The following UGT1A6 variants were observed in gnomAD, a reference collection of about 807,000 sequenced individuals.
UGT1A6 encodes the protein UDP glucuronosyltransferase family 1 member A6.
A neutral mutation model predicts 44.4 loss-of-function variants in UGT1A6; 32 were observed. The ratio of observed to expected loss-of-function variants is 0.72; its 90% CI spans 0.54 to 0.97. UGT1A6 has a LOEUF of 0.97. Ranked by LOEUF, UGT1A6 falls within the 50% of genes least tolerant of loss-of-function variation. The probability of loss-of-function intolerance (pLI) is 0.00; values close to 1 mark genes in which losing one functional copy is unlikely to be tolerated. For missense variants in UGT1A6, 685 were observed against 661.9 expected (o/e 1.03, Z -0.38); for synonymous variants, 238 against 248.5 (o/e 0.96, Z 0.40).
In UGT1A6 at chr2:233,768,366, G is replaced by T. The variant is rs36076514; in HGVS notation, c.1228G>T (p.Val410Leu). The T allele has an allele frequency of 5.0e-5, 80 of 1,614,062 alleles. No homozygotes were observed. The Admixed American group carries it at 1.3e-3, about 26-fold the overall frequency. The part of the protein sequence containing the change: ...AKRMETKGAG[V>L]TLNVLEMTSE... ...GCGCATGGAGACTAAGGGAGCTGGA[G>T]TGACCCTGAATGTTCTGGAAATGAC... The change falls in exon 4 of 5, where the codon GTG becomes TTG. Residue 410 changes from valine (V) to leucine (L), a missense_variant. Val to Leu is a conservative substitution (Grantham distance 32). Transcript: ENST00000305139.
At chr2:233,748,952 T>TC (rs753200268) in intron 1 of UGT1A6, among the ~76,000 whole-genome samples, 4 of 151,666 alleles carry the variant, frequency 2.6e-5, no homozygotes, top group South Asian at 2.1e-4. Flanking sequence ...CCTATCCCAC[T>TC]CCAAGTTTCT....
chr2:233,721,416 C>T, intron 1 of UGT1A6: 1 of 156,014 alleles, frequency 6.4e-6, no homozygotes, highest in Non-Finnish European at 1.4e-5. Flanking sequence ...GGACAGGTAC[C>T]CTAAGCATTG....
intron 1 of UGT1A6, chr2:233,740,801 T>C (rs1183144283): frequency 3.3e-5 from 5 of 152,052 alleles, no homozygotes; most frequent in African/African-American, 1.2e-4. Context: ...TAACAGGCTC[T>C]AGCACTGTTC....
At chr2:233,698,734 C>T (rs2075459166) in intron 1 of UGT1A6, among the ~76,000 whole-genome samples, 2 of 152,196 alleles carry the variant, frequency 1.3e-5, no homozygotes, top group African/African-American at 4.8e-5. Context: ...AGCTTGGTGA[C>T]CATTTTTTAC....
chr2:233,755,044 C>T (rs1695716601), intron 1 of UGT1A6: 3 of 1,324,814 alleles, frequency 2.3e-6, no homozygotes, highest in East Asian at 4.6e-5. Flanking sequence ...CCTGCGCAGC[C>T]GCCCTCCGCC....
At chr2:233,717,277 G>A (rs2076561985) in intron 1 of UGT1A6, among the ~76,000 whole-genome samples, 1 of 152,160 alleles carries the variant, frequency 6.6e-6, no homozygotes, top group African/African-American at 2.4e-5. Context: ...TTGAGAAGCT[G>A]AGATGTTGCA....
intron 1 of UGT1A6, chr2:233,740,675 C>T (rs946709661): frequency 1.3e-5 from 2 of 151,760 alleles, no homozygotes; most frequent in African/African-American, 2.4e-5. Flanking sequence ...CAGGTGTTTC[C>T]ATGGAGGGTG....
chr2:233,762,102 G>T (rs1697968941), intron 1 of UGT1A6, among the ~76,000 whole-genome samples: 1 of 151,864 alleles, frequency 6.6e-6, no homozygotes, highest in Non-Finnish European at 1.5e-5. Flanking sequence ...GTTGTTGATT[G>T]TCCGCTTCAC....
intron 1 of UGT1A6, among the ~76,000 whole-genome samples, chr2:233,726,404 T>C (rs1458945930): frequency 6.6e-6 from 1 of 152,210 alleles, no homozygotes; most frequent in Non-Finnish European, 1.5e-5. Flanking sequence ...TCTTTTGATG[T>C]CAGCATTCTG....
chr2:233,729,873 C>A, intron 1 of UGT1A6: 1 of 1,613,864 alleles, frequency 6.2e-7, no homozygotes, highest in Non-Finnish European at 8.5e-7. Context: ...TGGATATTCT[C>A]AGTCATGCAT....
intron 1 of UGT1A6, among the ~76,000 whole-genome samples, chr2:233,712,602 A>G (rs998294474): frequency 6.6e-6 from 1 of 152,190 alleles, no homozygotes; most frequent in African/African-American, 2.4e-5. Context: ...ATGGTTGGGG[A>G]CTAGGGCAAT....
chr2:233,725,058 G>A (rs1228937957), intron 1 of UGT1A6, among the ~76,000 whole-genome samples: 11 of 147,492 alleles, frequency 7.5e-5, no homozygotes, highest in East Asian at 4.2e-4. Flanking sequence ...GTGGCGGCGC[G>A]CGCCTGCAAT....
chr2:233,695,874 AG>A (rs2075311713), intron 1 of UGT1A6, among the ~76,000 whole-genome samples: 1 of 152,216 alleles, frequency 6.6e-6, no homozygotes, highest in Admixed American at 6.5e-5. Flanking sequence ...CAAACAACGC[AG>A]AAAACTTCAG....
intron 1 of UGT1A6, among the ~76,000 whole-genome samples, chr2:233,698,405 T>C (rs896142522): frequency 6.6e-6 from 1 of 152,204 alleles, no homozygotes; most frequent in African/African-American, 2.4e-5. Flanking sequence ...TTTATGTGAC[T>C]TCATCGCAAT....
chr2:233,718,603 T>G (rs2076667191), intron 1 of UGT1A6, among the ~76,000 whole-genome samples: 1 of 152,156 alleles, frequency 6.6e-6, no homozygotes, highest in Non-Finnish European at 1.5e-5. Flanking sequence ...TCAGATGAGC[T>G]TTTCAAGATA....
chr2:233,747,307 C>T (rs1472274155), intron 1 of UGT1A6: 68 of 1,602,316 alleles, frequency 4.2e-5, no homozygotes, highest in Admixed American at 3.8e-4. Flanking sequence ...TGGGAAGGTG[C>T]TGGTGGTACC....
At position 233,769,852 on chromosome 2, in the gene UGT1A6, T is replaced by C; in HGVS notation, c.1301+1413T>C. On this transcript the variant is annotated intron_variant, in intron 4 of 4. Coordinates refer to ENST00000305139, the MANE Select transcript of UGT1A6 (RefSeq NM_001072.4). The surrounding 1 kb of genome is among the most constrained non-coding windows in gnomAD (Gnocchi z 4.4). ...CAACCTGGGCAACAGAGTGAGACCC[T>C]GTCTCAAAAAAAAAAAAAAAAATGA... The C allele has an allele frequency of 2.2e-6, 1 of 461,208 alleles. No individual in the cohort carries two copies. Among genetic ancestry groups the C allele is most frequent in the South Asian group, 5.8e-5 (1 of 17,366 alleles). The allele number at this position is 461,208 out of a possible 1,614,324, so 28.6% of individuals were successfully genotyped here.
At chr2:233,735,705 G>A (rs1237070783) in intron 1 of UGT1A6, among the ~76,000 whole-genome samples, 2 of 151,900 alleles carry the variant, frequency 1.3e-5, no homozygotes, top group African/African-American at 2.4e-5. Flanking sequence ...GGCAGGCCTG[G>A]TGGTGACAAA....
rs35129844 is a variant in UGT1A6 at position 233,767,814 on chromosome 2, C to A, written c.994-35C>A. Reference sequence around the variant, plus strand: ...ATTTGTTTTCTAATCATATTATGTTCTTTCTTTACGTTCTGCTCTTTTTGC... The same window carrying A: ...ATTTGTTTTCTAATCATATTATGTTATTTCTTTACGTTCTGCTCTTTTTGC... On this transcript the variant is annotated intron_variant, in intron 2 of 4. Coordinates refer to ENST00000305139, the MANE Select transcript of UGT1A6 (RefSeq NM_001072.4). The A allele has an allele frequency of 5.0e-6, 8 of 1,613,992 alleles. No homozygotes were observed. In the African/African-American group the frequency reaches 6.7e-5, roughly 13 times the overall value.
Sources: gnomAD v4.1 joint callset for allele counts (sites outside exome capture counted in the v4.1 genomes callset) on GRCh38, gnomAD v4.1.1 for gene constraint, Gnocchi (gnomAD v3.1) non-coding constraint, MANE v1.5 for transcripts, NCBI Gene and HGNC (gene_info 2026-07-23, HGNC 2026-07-21) for gene names.